Variants in ORC1 observed in about 807,000 individuals in gnomAD.
ORC1 encodes the protein origin recognition complex subunit 1, also known as origin recognition complex, subunit 1 homolog.
Under a neutral mutation model 98.9 loss-of-function variants are expected in ORC1, and 61 were observed. That is an observed-to-expected ratio of 0.62 (90% CI 0.50 to 0.76). The LOEUF (loss-of-function observed/expected upper bound fraction) is 0.76. ORC1 is among the 30% of genes least tolerant of loss of function. The pLI is 0.00. For missense variants in ORC1, 979 were observed against 1,072.2 expected, an observed-to-expected ratio of 0.91 and a Z score of 1.21; for synonymous variants, 385 against 406.9, an observed-to-expected ratio of 0.95 and a Z score of 0.65.
chr1:52,408,471 GA>G (rs1439243192), upstream of ORC1: 1 of 1,528,000 alleles, frequency 6.5e-7, no homozygotes, highest in African/African-American at 1.4e-5. Context: ...CTGCCAAAGA[GA>G]AGAACATGTT....
intron 14 of ORC1, among the ~76,000 whole-genome samples, chr1:52,376,049 G>A (rs978655112): frequency 3.9e-5 from 6 of 152,162 alleles, no homozygotes; most frequent in African/African-American, 1.4e-4. Context: ...GGGTCGGCTT[G>A]GTCAATGGCT....
intron 14 of ORC1, among the ~76,000 whole-genome samples, chr1:52,380,417 C>T (rs549156441): frequency 1.3e-5 from 2 of 152,282 alleles, no homozygotes; most frequent in South Asian, 2.1e-4. Context: ...TGGCATTGGC[C>T]GAGCGCAGTG....
intron 3 of ORC1, among the ~76,000 whole-genome samples, chr1:52,400,379 C>T (rs1033844559): frequency 6.6e-6 from 1 of 152,222 alleles, no homozygotes; most frequent in East Asian, 1.9e-4. Context: ...CACAATGGCA[C>T]ACAATTTAAA....
Position 52,383,525 on chromosome 1 carries a change from G to C in ORC1, c.1908C>G (p.Leu636=), listed in dbSNP as rs1476732907. ...CCTCCTTATGAGTGGGCCAGTCAAA[G>C]AGATTGTACATTATGTCTTGTTTGT... ...WTHKQDIMYN[L]FDWPTHKEAR... Residue 636 remains leucine (L), a synonymous_variant, in exon 13 of 17, where the codon CTC becomes CTG. Transcript: ENST00000371568. 6.2e-7 allele frequency: 1 copy of C among 1,614,056 alleles called. No individual in the cohort carries two copies. Among genetic ancestry groups the C allele is most frequent in the Non-Finnish European group, 8.5e-7 (1 of 1,180,034 alleles).
chr1:52,400,952 C>T (rs1252290710), intron 3 of ORC1, among the ~76,000 whole-genome samples: 1 of 152,224 alleles, frequency 6.6e-6, no homozygotes, highest in Non-Finnish European at 1.5e-5. Flanking sequence ...CCAAATCCAA[C>T]TTACCTCTTC....
upstream of ORC1, chr1:52,404,729 T>C (rs139026548): frequency 5.0e-3 from 7,991 of 1,610,278 alleles, 30 homozygotes; most frequent in South Asian, 5.6e-3. Flanking sequence ...CCGACGGAAA[T>C]AGAATTGAAG....
At chr1:52,381,306 A>C (rs1439433826) in intron 14 of ORC1, among the ~76,000 whole-genome samples, 1 of 152,188 alleles carries the variant, frequency 6.6e-6, no homozygotes. Flanking sequence ...GAAATTTTTA[A>C]GTAACTTTCC....
At chr1:52,395,601 C>T (rs997752944) in intron 5 of ORC1, among the ~76,000 whole-genome samples, 1 of 152,112 alleles carries the variant, frequency 6.6e-6, no homozygotes, top group African/African-American at 2.4e-5. Flanking sequence ...TCACTTGAGC[C>T]CAGGACTTTG....
chr1:52,401,051 G>GT (rs1365626498), intron 3 of ORC1, among the ~76,000 whole-genome samples: 1 of 152,066 alleles, frequency 6.6e-6, no homozygotes, highest in East Asian at 1.9e-4. Flanking sequence ...CAAATTACCT[G>GT]TTTTTTCCTT....
chr1:52,384,850 A>AG (rs1327813173), intron 10 of ORC1, 129 bp from the exon 11 acceptor site: 1 of 818,176 alleles, frequency 1.2e-6, no homozygotes, highest in Non-Finnish European at 2.0e-6. Flanking sequence ...TGGGGGCAGT[A>AG]GGGACCATCC....
chr1:52,378,072 C>T (rs1023613248), intron 14 of ORC1, among the ~76,000 whole-genome samples: 2 of 152,212 alleles, frequency 1.3e-5, no homozygotes, highest in South Asian at 4.2e-4. Context: ...TGGGGCGGGG[C>T]GCGGTGGCTC....
chr1:52,399,406 T>C (rs1647584502), intron 3 of ORC1, among the ~76,000 whole-genome samples: 1 of 151,334 alleles, frequency 6.6e-6, no homozygotes, highest in Admixed American at 6.6e-5. Context: ...GGGCGGATCA[T>C]GAGGTCAGGA....
chr1:52,401,762 T>C (rs949295784), intron 2 of ORC1, among the ~76,000 whole-genome samples: 2 of 152,302 alleles, frequency 1.3e-5, no homozygotes, highest in Non-Finnish European at 2.9e-5. Context: ...CCACAACAAA[T>C]GTTTCCCAAG....
At position 52,372,926 on chromosome 1, in the gene ORC1, A is replaced by T; in HGVS notation, c.*255T>A. Reference sequence around the variant, plus strand: ...TACAACAATTCCATGTACTTCCAAAATCAGATGCTTTGTAGACTAGCTTGG... The same window carrying T: ...TACAACAATTCCATGTACTTCCAAATTCAGATGCTTTGTAGACTAGCTTGG... On this transcript the variant is annotated 3_prime_UTR_variant, in exon 17 of 17. Transcript: ENST00000371568. The T allele has an allele frequency of 2.1e-6, 1 of 480,274 alleles. No individual in the cohort carries two copies. The highest frequency in any genetic ancestry group is 3.8e-6 in the Non-Finnish European group (1 of 260,946). The allele number at this position is 480,274 out of a possible 1,614,324, so 29.8% of individuals were successfully genotyped here.
rs886046395 is a variant in ORC1 at position 52,372,955 on chromosome 1, C to A, written c.*226G>T. ...GATGCTTTGTAGACTAGCTTGGCAA[C>A]ATGGTGAAGCCCTGTCTCTACAAAA... On this transcript the variant is annotated 3_prime_UTR_variant, in exon 17 of 17. Coordinates refer to ENST00000371568, the MANE Select transcript of ORC1 (RefSeq NM_004153.4). 1.8e-6 allele frequency: 1 copy of A among 543,966 alleles called. No homozygotes were observed. The highest frequency in any genetic ancestry group is 3.3e-6 in the Non-Finnish European group (1 of 299,886). The allele number at this position is 543,966 out of a possible 1,614,324, so 33.7% of individuals were successfully genotyped here. A position where few individuals can be genotyped will look rare whatever the true frequency, so the allele number is the denominator to read the frequency against.
In ORC1 at chr1:52,383,400, G is replaced by A; in HGVS notation, c.2013+20C>T. 6.2e-7 allele frequency: 1 copy of A among 1,612,032 alleles called. No homozygotes were observed. The highest frequency in any genetic ancestry group is 8.5e-7 in the Non-Finnish European group (1 of 1,179,876). ...CTTACAGATCTGCAAGAACAGCATG[G>A]GAACTGCCCTAGAACCTACCAGTCG... On this transcript the variant is annotated intron_variant, in intron 13 of 16. Coordinates refer to ENST00000371568, the MANE Select transcript of ORC1 (RefSeq NM_004153.4).
intron 1 of ORC1, among the ~76,000 whole-genome samples, chr1:52,402,434 G>A (rs755460446): frequency 2.6e-5 from 4 of 152,190 alleles, no homozygotes; most frequent in Non-Finnish European, 4.4e-5. Flanking sequence ...AGTATCATCT[G>A]TGTCCATCTT....
chr1:52,387,057 C>A (rs1358923143), intron 8 of ORC1, among the ~76,000 whole-genome samples: 1 of 152,274 alleles, frequency 6.6e-6, no homozygotes. Flanking sequence ...TGGGCTTCTG[C>A]CCTTTTTTAT....
intron 13 of ORC1, among the ~76,000 whole-genome samples, chr1:52,382,030 G>T (rs561077113): frequency 1.3e-4 from 20 of 151,972 alleles, no homozygotes; most frequent in African/African-American, 4.8e-4. Flanking sequence ...CCAGGCTACC[G>T]TGCAGTGGCA....
Sources: allele counts gnomAD v4.1 joint callset (sites outside exome capture counted in the v4.1 genomes callset), GRCh38; gene constraint gnomAD v4.1.1; transcripts MANE v1.5; gene names NCBI Gene and HGNC (gene_info 2026-07-23, HGNC 2026-07-21).